Variants in ACADM observed in about 807,000 individuals in gnomAD.
The protein encoded by ACADM is medium-chain specific acyl-CoA dehydrogenase, mitochondrial.
Under a neutral mutation model 58.9 loss-of-function variants are expected in ACADM, and 49 were observed. The observed-to-expected ratio is 0.83, with a 90% CI of 0.66 to 1.06. The LOEUF (loss-of-function observed/expected upper bound fraction) is 1.06. Ranked by LOEUF, ACADM falls within the 50% of genes least tolerant of loss-of-function variation. The pLI, the probability that ACADM is intolerant of heterozygous loss-of-function variation, is 0.00. For synonymous variants in ACADM, 160 were observed against 157.7 expected (o/e 1.01, Z -0.11); for missense variants, 496 against 507.0 (o/e 0.98, Z 0.21).
At chr1:75,741,229 G>A (rs940393397) in intron 7 of ACADM, among the ~76,000 whole-genome samples, 4 of 152,078 alleles carry the variant, frequency 2.6e-5, no homozygotes, top group Admixed American at 6.6e-5. Flanking sequence ...ATATACTACA[G>A]TTTTCTAGCA....
At chr1:75,758,458 G>A (rs1388377488) in intron 10 of ACADM, among the ~76,000 whole-genome samples, 1 of 152,160 alleles carries the variant, frequency 6.6e-6, no homozygotes, top group Non-Finnish European at 1.5e-5. Context: ...CTCTCCCTGG[G>A]AATCTCACCC....
At chr1:75,742,755 C>G (rs1008501431) in intron 7 of ACADM, among the ~76,000 whole-genome samples, 13 of 152,124 alleles carry the variant, frequency 8.5e-5, no homozygotes, top group African/African-American at 3.1e-4. Context: ...GACCTGGGCT[C>G]TCCTTCTATG....
At chr1:75,733,428 A>C (rs528920941) in intron 4 of ACADM, 100 bp from the exon 5 acceptor site, 2 of 1,238,590 alleles carry the variant, frequency 1.6e-6, no homozygotes, top group South Asian at 1.3e-5. Context: ...TCCTTTTAAA[A>C]CAAATTTTGG....
chr1:75,725,073 C>G (rs553691038), intron 1 of ACADM, among the ~76,000 whole-genome samples: 1 of 152,216 alleles, frequency 6.6e-6, no homozygotes, highest in Non-Finnish European at 1.5e-5. Flanking sequence ...TATCGTTTTT[C>G]TTTCTCTGGT....
rs1166679731 is a variant in ACADM at position 75,749,564 on chromosome 1, G to A, written c.849+5G>A. 1.2e-6 allele frequency: 2 copies of A among 1,612,644 alleles called. No homozygotes were observed. Among genetic ancestry groups the A allele is most frequent in the Non-Finnish European group, 1.7e-6 (2 of 1,178,852 alleles). ...TTTGATAAAACCAGACCTGTAGTAA[G>A]TAATATGGGTTCATAATCTTTATAG... is the stretch of plus-strand genomic sequence containing the variant. On this transcript the variant is annotated splice_donor_5th_base_variant and intron_variant, in intron 9 of 11. Coordinates refer to ENST00000370841, the MANE Select transcript of ACADM (RefSeq NM_000016.6).
chr1:75,751,339 CAAAAAAG>C (rs1648191912), intron 10 of ACADM, among the ~76,000 whole-genome samples: 1 of 151,548 alleles, frequency 6.6e-6, no homozygotes, highest in African/African-American at 2.4e-5. Context: ...GACTCCGTCT[CAAAAAAG>C]AAAATATATA....
intron 7 of ACADM, chr1:75,744,385 C>G (rs1647769979): frequency 6.5e-7 from 1 of 1,535,048 alleles, no homozygotes; most frequent in Non-Finnish European, 9.0e-7. Flanking sequence ...GACTTTTCCC[C>G]CATCAGGTAC....
At chr1:75,733,258 G>A in intron 4 of ACADM, 1 of 1,451,244 alleles carries the variant, frequency 6.9e-7, no homozygotes, top group Non-Finnish European at 9.2e-7. Context: ...CTCAGACCCA[G>A]TTTTAGAGTT....
chr1:75,733,169 T>C, intron 4 of ACADM: 1 of 1,612,386 alleles, frequency 6.2e-7, no homozygotes, highest in Non-Finnish European at 8.5e-7. Flanking sequence ...GTTTCTAGAG[T>C]TGGTCAATTT....
intron 4 of ACADM, chr1:75,733,137 C>A: frequency 1.9e-6 from 3 of 1,612,812 alleles, no homozygotes; most frequent in East Asian, 2.2e-5. Context: ...CCTTAACTTG[C>A]ACCTAAACCT....
intron 9 of ACADM, among the ~76,000 whole-genome samples, 165 bp downstream of exon 9, chr1:75,749,724 T>C (rs1648098517): frequency 1.4e-5 from 2 of 147,250 alleles, no homozygotes. Context: ...TTTTTTTTTT[T>C]TTTTTTTGAG....
At chr1:75,760,101 G>A (rs916171350) in intron 10 of ACADM, among the ~76,000 whole-genome samples, 2 of 151,510 alleles carry the variant, frequency 1.3e-5, no homozygotes, top group South Asian at 2.1e-4. Context: ...GGGCAACATA[G>A]GGAGGGACCT....
chr1:75,736,361 T>C (rs1479014415), intron 6 of ACADM, among the ~76,000 whole-genome samples: 5 of 152,228 alleles, frequency 3.3e-5, no homozygotes, highest in Admixed American at 1.3e-4. Flanking sequence ...AAAATAATAT[T>C]TGAAAATAAA....
chr1:75,737,275 C>A (rs1401956092), intron 6 of ACADM, among the ~76,000 whole-genome samples: 13 of 82,432 alleles, frequency 1.6e-4, no homozygotes, highest in African/African-American at 8.9e-4. Context: ...CACACACACA[C>A]ACAAATATAT....
At chr1:75,758,122 G>T (rs1648613577) in intron 10 of ACADM, among the ~76,000 whole-genome samples, 1 of 151,966 alleles carries the variant, frequency 6.6e-6, no homozygotes, top group Admixed American at 6.6e-5. Flanking sequence ...GAGTGTAATG[G>T]CGTAATCTTG....
chr1:75,725,467 T>C (rs893758471), intron 1 of ACADM, among the ~76,000 whole-genome samples: 1 of 152,222 alleles, frequency 6.6e-6, no homozygotes, highest in Non-Finnish European at 1.5e-5. Context: ...CCTAAAGAAT[T>C]GCTGCCCATG....
At chr1:75,732,149 CAAAA>C (rs11455282) in intron 2 of ACADM, among the ~76,000 whole-genome samples, 6 of 141,548 alleles carry the variant, frequency 4.2e-5, no homozygotes, top group African/African-American at 1.6e-4. Flanking sequence ...GAGACTGTCT[CAAAA>C]AAAAAAAGCA....
chr1:75,761,569 T>G, intron 11 of ACADM, 199 bp downstream of exon 11: 1 of 624,128 alleles, frequency 1.6e-6, no homozygotes, highest in East Asian at 2.8e-5. Context: ...GAAGAGAGAA[T>G]AGGCTAAAAA....
chr1:75,737,327 T>TATATATGA (rs1491168235), intron 6 of ACADM, among the ~76,000 whole-genome samples: 11 of 76,676 alleles, frequency 1.4e-4, no homozygotes, highest in African/African-American at 4.8e-4. Context: ...TATATATATA[T>TATATATGA]GAAACCAAAA....
Sources: allele counts gnomAD v4.1 joint callset (sites outside exome capture counted in the v4.1 genomes callset), GRCh38; gene constraint gnomAD v4.1.1; transcripts MANE v1.5; gene names NCBI Gene and HGNC (gene_info 2026-07-23, HGNC 2026-07-21).